The following TNFRSF8 variants were observed in gnomAD, a reference collection of about 807,000 sequenced individuals.
TNFRSF8 encodes the protein tumor necrosis factor receptor superfamily member 8.
In TNFRSF8, 26 loss-of-function variants were observed where a neutral mutation model predicts 70.8. That is an observed-to-expected ratio of 0.37 (90% CI 0.27 to 0.51). The LOEUF (loss-of-function observed/expected upper bound fraction) is 0.51, where lower values mean the gene tolerates loss of function less well. Among genes scored for constraint, TNFRSF8 ranks in the 20% least tolerant of loss-of-function variants. TNFRSF8 has a pLI of 0.94. For missense variants in TNFRSF8, 720 were observed against 807.9 expected (o/e 0.89, Z 1.32); for synonymous variants, 356 against 339.2 (o/e 1.05, Z -0.54).
Position 12,109,331 on chromosome 1 carries a change from T to G in TNFRSF8, c.422-235T>G, listed in dbSNP as rs1641583451. On this transcript the variant is annotated intron_variant, in intron 4 of 14. Coordinates refer to ENST00000263932, the MANE Select transcript of TNFRSF8 (RefSeq NM_001243.5). The surrounding 1 kb of genome is among the most constrained non-coding windows in gnomAD (Gnocchi z 4.4). ...TGGCCACTCGGGAAAGGGGGTTCAG[T>G]CGGTCCCAACCCCTAACCACAGATG... Among the ~76,000 whole-genome samples the G allele has an allele frequency of 6.6e-6, 1 of 152,080 alleles. No individual in the cohort carries two copies. The highest frequency in any genetic ancestry group is 2.4e-5 in the African/African-American group (1 of 41,414).
rs1005090888 is a variant in TNFRSF8 at position 12,138,932 on chromosome 1, G to A, written c.1543+496G>A. ...CTACTAAGTGGCACAGCTGGAACTC[G>A]TCCCGCATCTGCTGGGCCTTGAAGC... On this transcript the variant is annotated intron_variant, in intron 14 of 14. Coordinates refer to ENST00000263932, the MANE Select transcript of TNFRSF8 (RefSeq NM_001243.5). This position sits in a 1 kb window ranked among gnomAD's most constrained non-coding sequence, Gnocchi z 5.7. Among the ~76,000 whole-genome samples the A allele has an allele frequency of 7.1e-6, 1 of 140,082 alleles. No individual in the cohort carries two copies. Among genetic ancestry groups the A allele is most frequent in the Non-Finnish European group, 1.5e-5 (1 of 67,644 alleles). The allele number at this position is 140,082 out of a possible 152,430, so 91.9% of individuals were successfully genotyped here.
In TNFRSF8 at chr1:12,142,401, AGGCGGACCATACCCCCC is replaced by A; in HGVS notation, c.1659_1675del (p.Ala554LeufsTer45). 6.2e-7 allele frequency: 1 copy of A among 1,612,642 alleles called. No individual in the cohort carries two copies. ...GAGCCCGAGTTGGAGGAGGAGCTGGAGGCGGACCATACCCCCCACTACCCCGAGCAGGAGACAGAACC... is the reference window on the plus strand; with the variant it reads ...GAGCCCGAGTTGGAGGAGGAGCTGGAACTACCCCGAGCAGGAGACAGAACC... On this transcript the variant is annotated frameshift_variant, in exon 15 of 15. Transcript: ENST00000263932. LOFTEE classifies it high-confidence loss of function. This position sits in a 1 kb window ranked among gnomAD's most constrained non-coding sequence, Gnocchi z 5.0.
At chr1:12,086,435 C>T (rs1174009068) in intron 2 of TNFRSF8, among the ~76,000 whole-genome samples, 1 of 151,992 alleles carries the variant, frequency 6.6e-6, no homozygotes, top group Admixed American at 6.6e-5. Flanking sequence ...CAGTGCTTCA[C>T]TGGTCGGCCA....
chr1:12,138,264 C>T lies in TNFRSF8; in HGVS notation c.1371C>T (p.Val457=), dbSNP rs746893443. 282 of 1,613,388 alleles carry T rather than the reference C, an allele frequency of 1.7e-4. No individual in the cohort carries two copies. In the Admixed American group the frequency reaches 2.6e-3, roughly 15 times the overall value. The change falls in exon 14 of 15, where the codon GTC becomes GTT. Residue 457 remains valine (V), a synonymous_variant. Coordinates refer to ENST00000263932, the MANE Select transcript of TNFRSF8 (RefSeq NM_001243.5). This position sits in a 1 kb window ranked among gnomAD's most constrained non-coding sequence, Gnocchi z 5.7. Reference sequence around the variant, plus strand: ...GTGGTGCGTCGGTGACAGAACCCGTCGCGGAAGAGCGAGGGTTAATGAGCC... The same window carrying T: ...GTGGTGCGTCGGTGACAGAACCCGTTGCGGAAGAGCGAGGGTTAATGAGCC... ...LRSGASVTEP[V]AEERGLMSQP... is the part of the protein sequence containing the mutation.
Position 12,118,635 on chromosome 1 carries a change from C to A in TNFRSF8, c.946+2906C>A, listed in dbSNP as rs1305016043. Among the ~76,000 whole-genome samples, 5 of 152,262 alleles carry A rather than the reference C, an allele frequency of 3.3e-5. No individual in the cohort carries two copies. The East Asian group carries it at 7.7e-4, about 23-fold the overall frequency. On this transcript the variant is annotated intron_variant, in intron 8 of 14. Coordinates refer to ENST00000263932, the MANE Select transcript of TNFRSF8 (RefSeq NM_001243.5). Reference sequence around the variant, plus strand: ...GGGCACAGAATGCTATGAAAAGGAACAATATGGGATCAGAGGGCAAGAAAA... The same window carrying A: ...GGGCACAGAATGCTATGAAAAGGAAAAATATGGGATCAGAGGGCAAGAAAA...
chr1:12,138,738 C>G lies in TNFRSF8; in HGVS notation c.1543+302C>G, dbSNP rs1642200729. 6.6e-6 allele frequency among the ~76,000 whole-genome samples: 1 copy of G among 152,202 alleles called. No individual in the cohort carries two copies. The highest frequency in any genetic ancestry group is 2.1e-4 in the South Asian group (1 of 4,832). On this transcript the variant is annotated intron_variant, in intron 14 of 14. Transcript: ENST00000263932. The surrounding 1 kb of genome is among the most constrained non-coding windows in gnomAD (Gnocchi z 5.7). ...CCCGAGGGGACAGGAGGAAGACGTG[C>G]CAGTGGTCACAGGACCTGCCACTTG... is the stretch of plus-strand genomic sequence containing the variant.
At chr1:12,123,932 T>G (rs1156751732) in intron 10 of TNFRSF8, 105 bp downstream of exon 10, 9 of 1,002,166 alleles carry the variant, frequency 9.0e-6, no homozygotes, top group Non-Finnish European at 1.3e-5. Context: ...GGGTATGGTC[T>G]GAGAAGGGGG....
rs2100995439 is a variant in TNFRSF8, at chr1:12,104,361, CCT to C, written c.269-17_269-16del. On this transcript the variant is annotated splice_polypyrimidine_tract_variant and intron_variant, in intron 3 of 14. Transcript: ENST00000263932. ...CTTCCTTCTGTTCCCCTCTGTGACC[CCT>C]GTCTGTGTCCCTTAGACGACCTCGT... The C allele has an allele frequency of 1.2e-6, 2 of 1,614,006 alleles. No individual in the cohort carries two copies. Among genetic ancestry groups the C allele is most frequent in the Non-Finnish European group, 1.7e-6 (2 of 1,179,974 alleles).
At chr1:12,099,427 G>A (rs1641382852) in intron 3 of TNFRSF8, among the ~76,000 whole-genome samples, 1 of 152,054 alleles carries the variant, frequency 6.6e-6, no homozygotes, top group Admixed American at 6.6e-5. Context: ...TTACAGGTGT[G>A]AGTCACCATT....
At chr1:12,068,061 C>T (rs530081861) in intron 1 of TNFRSF8, among the ~76,000 whole-genome samples, 1 of 152,258 alleles carries the variant, frequency 6.6e-6, no homozygotes, top group African/African-American at 2.4e-5. Context: ...GGGGCGTTTA[C>T]TGTAAGTTTC....
At position 12,119,431 on chromosome 1, in the gene TNFRSF8, T is replaced by G. The variant is rs2101020129; in HGVS notation, c.946+3702T>G. Among the ~76,000 whole-genome samples, 1 of 152,272 alleles carries G rather than the reference T, an allele frequency of 6.6e-6. No homozygotes were observed. The highest frequency in any genetic ancestry group is 2.1e-4 in the South Asian group (1 of 4,824). ...GGACCTACCAAGAGCAAAGCAGGAT[T>G]AATGGAAATTACCCACGCTACATGT... On this transcript the variant is annotated intron_variant, in intron 8 of 14. Transcript: ENST00000263932. The surrounding 1 kb of genome is among the most constrained non-coding windows in gnomAD (Gnocchi z 4.4).
Position 12,126,018 on chromosome 1 carries a change from C to T in TNFRSF8, c.1221C>T (p.Cys407=). 6.2e-7 allele frequency: 1 copy of T among 1,614,074 alleles called. No homozygotes were observed. The highest frequency in any genetic ancestry group is 1.3e-5 in the African/African-American group (1 of 75,018). ...TCGGCTCCAGCGCCTTCCTCCTGTG[C>T]CACCGGAGGGCCTGCAGGAAGCGAA... ...VVVGSSAFLL[C]HRRACRKRIR... Residue 407 remains cysteine (C), a synonymous_variant, in exon 11 of 15, where the codon TGC becomes TGT. Transcript: ENST00000263932.
At position 12,138,281 on chromosome 1, in the gene TNFRSF8, T is replaced by C; in HGVS notation, c.1388T>C (p.Leu463Ser). Residue 463 changes from leucine (L) to serine (S), a missense_variant, in exon 14 of 15, where the codon TTA becomes TCA. Coordinates refer to ENST00000263932, the MANE Select transcript of TNFRSF8 (RefSeq NM_001243.5). The surrounding 1 kb of genome is among the most constrained non-coding windows in gnomAD (Gnocchi z 5.7). ...VTEPVAEERG[L>S]MSQPLMETCH... ...GAACCCGTCGCGGAAGAGCGAGGGT[T>C]AATGAGCCAGCCACTGATGGAGACC... 1 of 1,613,494 alleles carries C rather than the reference T, an allele frequency of 6.2e-7. No individual in the cohort carries two copies. Among genetic ancestry groups the C allele is most frequent in the Non-Finnish European group, 8.5e-7 (1 of 1,179,916 alleles).
intron 13 of TNFRSF8, among the ~76,000 whole-genome samples, chr1:12,136,870 CTTTTTTTT>C (rs201470263): frequency 0.089 from 10,606 of 118,868 alleles, 459 homozygotes; most frequent in South Asian, 0.24. Flanking sequence ...ATACTCAGTT[CTTTTTTTT>C]TTTTTTTTTT....
At chr1:12,083,404 G>T (rs1641099226) in intron 1 of TNFRSF8, among the ~76,000 whole-genome samples, 1 of 152,128 alleles carries the variant, frequency 6.6e-6, no homozygotes, top group South Asian at 2.1e-4. Context: ...TCTATCGAGA[G>T]CAGGCCCGGA....
At chr1:12,086,969 A>T (rs1385145478) in intron 2 of TNFRSF8, among the ~76,000 whole-genome samples, 1 of 151,876 alleles carries the variant, frequency 6.6e-6, no homozygotes, top group African/African-American at 2.4e-5. Flanking sequence ...GACACAATTC[A>T]GTCCATAGCA....
chr1:12,087,943 A>T (rs987916480), intron 2 of TNFRSF8, among the ~76,000 whole-genome samples: 1 of 151,816 alleles, frequency 6.6e-6, no homozygotes, highest in Non-Finnish European at 1.5e-5. Flanking sequence ...CTGGTGTTTT[A>T]TTGACCTTGT....
chr1:12,065,342 C>G (rs1640721821), intron 1 of TNFRSF8, among the ~76,000 whole-genome samples: 1 of 152,154 alleles, frequency 6.6e-6, no homozygotes, highest in Admixed American at 6.5e-5. Context: ...CTCGGCCTCC[C>G]AAAGTGCTAG....
intron 4 of TNFRSF8, among the ~76,000 whole-genome samples, chr1:12,105,663 T>A (rs950353834): frequency 2.6e-5 from 4 of 151,938 alleles, no homozygotes; most frequent in African/African-American, 9.7e-5. Context: ...CAAGGCCAGG[T>A]GTGGTGGCTT....
Sources: allele counts gnomAD v4.1 joint callset (sites outside exome capture counted in the v4.1 genomes callset), GRCh38; gene constraint gnomAD v4.1.1; non-coding constraint Gnocchi (gnomAD v3.1); transcripts MANE v1.5; gene names NCBI Gene and HGNC (gene_info 2026-07-23, HGNC 2026-07-21).